ECE1: variants seen among roughly 807,000 people sequenced by gnomAD.
The protein encoded by ECE1 is endothelin converting enzyme 1, also known as endothelin-converting enzyme 1.
ECE1 carries 35 observed loss-of-function variants against 98.6 expected under a neutral mutation model. The observed-to-expected ratio is 0.35, with a 90% CI of 0.27 to 0.47. The LOEUF (loss-of-function observed/expected upper bound fraction) is 0.47, where lower values mean the gene tolerates loss of function less well. Ranked by LOEUF, ECE1 falls within the 20% of genes least tolerant of loss-of-function variation. ECE1 has a pLI of 1.00. For missense variants in ECE1, 814 were observed against 1,025.3 expected, an observed-to-expected ratio of 0.79 and a Z score of 2.81; for synonymous variants, 394 against 407.1, an observed-to-expected ratio of 0.97 and a Z score of 0.39.
rs186342032 is a variant in ECE1 at position 21,258,048 on chromosome 1, G to C, written c.763-458C>G. On this transcript the variant is annotated intron_variant, in intron 6 of 18. Coordinates refer to ENST00000374893, the MANE Select transcript of ECE1 (RefSeq NM_001397.3). The surrounding 1 kb of genome is among the most constrained non-coding windows in gnomAD (Gnocchi z 4.2). ...AGAAGACAGTGCTGGTCAAGTGCCTGCCAAGCAGGAGGGGAGGGTCAAATT... is the reference window on the plus strand; with the variant it reads ...AGAAGACAGTGCTGGTCAAGTGCCTCCCAAGCAGGAGGGGAGGGTCAAATT... 1.3e-5 allele frequency among the ~76,000 whole-genome samples: 2 copies of C among 152,234 alleles called. No homozygotes were observed. The highest frequency in any genetic ancestry group is 1.3e-4 in the Admixed American group (2 of 15,292).
At chr1:21,306,820 G>A (rs760385717) in intron 1 of ECE1, among the ~76,000 whole-genome samples, 2 of 152,196 alleles carry the variant, frequency 1.3e-5, no homozygotes, top group African/African-American at 4.8e-5. Context: ...GCAGCGAGGT[G>A]TGCTCAAGCC....
chr1:21,333,851 G>A (rs564748399), intron 1 of ECE1, among the ~76,000 whole-genome samples: 27 of 152,066 alleles, frequency 1.8e-4, no homozygotes, highest in African/African-American at 5.3e-4. Context: ...AAAAAATGAC[G>A]GAGCCACAAA....
At chr1:21,317,515 A>G (rs958509725) in intron 1 of ECE1, among the ~76,000 whole-genome samples, 4 of 152,158 alleles carry the variant, frequency 2.6e-5, no homozygotes, top group Non-Finnish European at 4.4e-5. Flanking sequence ...AGCTCTGGGG[A>G]TTGAGCAATC....
At chr1:21,245,265 A>G (rs77383068) in intron 9 of ECE1, among the ~76,000 whole-genome samples, 162 bp from the exon 10 acceptor site, 1 of 152,310 alleles carries the variant, frequency 6.6e-6, no homozygotes, top group African/African-American at 2.4e-5. Flanking sequence ...AGCACGTGCA[A>G]TGTAAGCTCT....
At chr1:21,309,397 G>A (rs548114607) in intron 1 of ECE1, among the ~76,000 whole-genome samples, 7 of 152,318 alleles carry the variant, frequency 4.6e-5, no homozygotes, top group African/African-American at 1.2e-4. Context: ...CACAGTACCC[G>A]TCCCACCAAG....
chr1:21,327,375 T>G lies in ECE1; in HGVS notation c.3+18001A>C, dbSNP rs1216650518. Among the ~76,000 whole-genome samples the G allele has an allele frequency of 1.3e-5, 2 of 152,126 alleles. No homozygotes were observed. The highest frequency in any genetic ancestry group is 2.9e-5 in the Non-Finnish European group (2 of 68,006). ...GCGACGGGCTGATCCCCTGCCCCAC[T>G]CCAATCAATCACCAGGCCCTGCCCA... is the stretch of plus-strand genomic sequence containing the variant. On this transcript the variant is annotated intron_variant, in intron 1 of 18. Transcript: ENST00000415912. The surrounding 1 kb of genome is among the most constrained non-coding windows in gnomAD (Gnocchi z 4.6).
At chr1:21,335,374 C>G (rs34005655) in intron 1 of ECE1, among the ~76,000 whole-genome samples, 22,428 of 152,216 alleles carry the variant, frequency 0.15, 1,750 homozygotes, top group Middle Eastern at 0.19. Context: ...GCTTCCTCCC[C>G]TAGAGTGCAG....
At chr1:21,230,998 T>C (rs1252620228) in intron 14 of ECE1, among the ~76,000 whole-genome samples, 1 of 151,718 alleles carries the variant, frequency 6.6e-6, no homozygotes, top group Non-Finnish European at 1.5e-5. Context: ...CTGGCTAATT[T>C]TGTATGTTTA....
rs147267505 is a variant in ECE1 at position 21,225,888 on chromosome 1, T to A, written c.1850-448A>T. On this transcript the variant is annotated intron_variant, in intron 16 of 18. Coordinates refer to ENST00000374893, the MANE Select transcript of ECE1 (RefSeq NM_001397.3). The surrounding 1 kb of genome is among the most constrained non-coding windows in gnomAD (Gnocchi z 5.3). ...GTTTTTTTTTTTAGTAGAGATGGGG[T>A]CTCACCATGTTGGCCAGGCTGGTCT... Among the ~76,000 whole-genome samples the A allele has an allele frequency of 5.8e-3, 879 of 151,120 alleles. 9 individuals carry two copies. The highest frequency in any genetic ancestry group is 0.02 in the African/African-American group (837 of 41,100).
intron 1 of ECE1, among the ~76,000 whole-genome samples, chr1:21,309,304 GCT>G (rs555169236): frequency 1.8e-4 from 27 of 152,328 alleles, no homozygotes; most frequent in African/African-American, 6.0e-4. Context: ...TCAAACCCTG[GCT>G]CTGTCATTTA....
intron 4 of ECE1, among the ~76,000 whole-genome samples, chr1:21,270,538 T>C (rs1429683807): frequency 6.6e-6 from 1 of 152,210 alleles, no homozygotes; most frequent in African/African-American, 2.4e-5. Flanking sequence ...CTCGCTTTCC[T>C]CATCTACCAA....
In ECE1 at chr1:21,345,255, G is replaced by A. The variant is rs895248214; in HGVS notation, c.3+121C>T. 11 of 1,175,008 alleles carry A rather than the reference G, an allele frequency of 9.4e-6. No individual in the cohort carries two copies. The highest frequency in any genetic ancestry group is 8.1e-5 in the African/African-American group (5 of 61,604). 72.8% of individuals were successfully genotyped at this position (1,175,008 alleles called of 1,614,324 possible). A position where few individuals can be genotyped will look rare whatever the true frequency, so the allele number is the denominator to read the frequency against. ...TTCCGAGAGCCGGGCGGGGGCTGCT[G>A]CTGCAGCCGGCGCCCAGCCCCCCGC... is the stretch of plus-strand genomic sequence containing the variant. On this transcript the variant is annotated intron_variant, in intron 1 of 18. Coordinates refer to the ECE1 transcript ENST00000415912. The surrounding 1 kb of genome is among the most constrained non-coding windows in gnomAD (Gnocchi z 5.1).
At chr1:21,274,416 C>T (rs1476830071) in intron 3 of ECE1, among the ~76,000 whole-genome samples, 1 of 152,206 alleles carries the variant, frequency 6.6e-6, no homozygotes, top group Non-Finnish European at 1.5e-5. Context: ...TCTACGTTTG[C>T]CAGTGGGGCT....
At chr1:21,310,846 G>A (rs545657876) in intron 1 of ECE1, among the ~76,000 whole-genome samples, 2 of 152,290 alleles carry the variant, frequency 1.3e-5, no homozygotes, top group Admixed American at 1.3e-4. Flanking sequence ...GGTTGTGTAA[G>A]GGGCCAACCA....
intron 3 of ECE1, among the ~76,000 whole-genome samples, chr1:21,278,543 C>T (rs199818679): frequency 6.0e-4 from 91 of 152,342 alleles, no homozygotes; most frequent in East Asian, 3.5e-3. Flanking sequence ...TTCCAACTTC[C>T]GCATTGGATT....
In ECE1 at chr1:21,219,914, GCCC is replaced by G. The variant is rs1558360590; in HGVS notation, c.*38_*40del. 8 of 1,611,964 alleles carry G rather than the reference GCCC, an allele frequency of 5.0e-6. No homozygotes were observed. Among genetic ancestry groups the G allele is most frequent in the Admixed American group, 1.7e-5 (1 of 59,934 alleles). ...AGGCTGGATGGGGGTCTCGTCCTCA[GCCC>G]CTTCCCCTCCTCCGTCTTGGCTCTC... On this transcript the variant is annotated 3_prime_UTR_variant, in exon 19 of 19. Transcript: ENST00000374893. This position sits in a 1 kb window ranked among gnomAD's most constrained non-coding sequence, Gnocchi z 4.5.
rs1299298147 is a variant in ECE1, at chr1:21,255,944, T to C, written c.1020+3A>G. The C allele has an allele frequency of 5.0e-6, 8 of 1,613,972 alleles. No individual in the cohort carries two copies. Among genetic ancestry groups the C allele is most frequent in the Non-Finnish European group, 6.8e-6 (8 of 1,179,942 alleles). ...CCTCCCTAGCAGCCGGCGCTCAAGT[T>C]ACCTGCAGCTCGGCTGCCGTCACTT... On this transcript the variant is annotated splice_donor_region_variant and intron_variant, in intron 8 of 18. Transcript: ENST00000374893.
chr1:21,241,346 T>C (rs2098195998), intron 10 of ECE1, among the ~76,000 whole-genome samples: 1 of 152,028 alleles, frequency 6.6e-6, no homozygotes, highest in African/African-American at 2.4e-5. Flanking sequence ...TGTTTCTTTT[T>C]GCAGATAAAA....
At chr1:21,316,443 A>AT (rs202241698) in intron 1 of ECE1, among the ~76,000 whole-genome samples, 79 of 128,180 alleles carry the variant, frequency 6.2e-4, no homozygotes, top group South Asian at 2.1e-3. Context: ...TAATTTTTGT[A>AT]TTTTTTTTTT....
Sources: allele counts gnomAD v4.1 joint callset (sites outside exome capture counted in the v4.1 genomes callset), GRCh38; gene constraint gnomAD v4.1.1; non-coding constraint Gnocchi (gnomAD v3.1); transcripts MANE v1.5; gene names NCBI Gene and HGNC (gene_info 2026-07-23, HGNC 2026-07-21).